TAS1R2: variants seen among roughly 807,000 people sequenced by gnomAD.
TAS1R2 encodes taste 1 receptor member 2, also known as taste receptor type 1 member 2.
Under a neutral mutation model 49.3 loss-of-function variants are expected in TAS1R2, and 47 were observed. The ratio of observed to expected loss-of-function variants is 0.95; its 90% CI spans 0.75 to 1.22. TAS1R2 has a LOEUF of 1.22. Among genes scored for constraint, TAS1R2 ranks in the 50% most tolerant of loss-of-function variants. The probability of loss-of-function intolerance (pLI) is 0.00; values close to 1 mark genes in which losing one functional copy is unlikely to be tolerated. For missense variants in TAS1R2, 1,155 were observed against 1,122.1 expected, an observed-to-expected ratio of 1.03 and a Z score of -0.42; for synonymous variants, 479 against 467.9, an observed-to-expected ratio of 1.02 and a Z score of -0.31.
chr1:18,851,929 G>A (rs1487730960), intron 3 of TAS1R2, among the ~76,000 whole-genome samples: 8 of 152,238 alleles, frequency 5.3e-5, no homozygotes, highest in East Asian at 1.9e-4. Flanking sequence ...GACAGCAACC[G>A]TGTAGTAACA....
intron 4 of TAS1R2, 131 bp from the exon 5 acceptor site, chr1:18,841,983 A>G: frequency 1.5e-6 from 1 of 660,062 alleles, no homozygotes; most frequent in Non-Finnish European, 2.1e-6. Flanking sequence ...TGGAAACTGT[A>G]GAAAAAAAAA....
At chr1:18,842,490 A>T (rs1221630653) in intron 4 of TAS1R2, among the ~76,000 whole-genome samples, 2 of 152,234 alleles carry the variant, frequency 1.3e-5, no homozygotes, top group Non-Finnish European at 2.9e-5. Context: ...AATAAACTTG[A>T]AAGGACTGAA....
intron 4 of TAS1R2, among the ~76,000 whole-genome samples, chr1:18,846,572 C>T (rs1191832670): frequency 1.3e-5 from 2 of 152,196 alleles, no homozygotes; most frequent in South Asian, 2.1e-4. Flanking sequence ...TGCTTAAAGT[C>T]CTAGTCCCCA....
rs555916045 is a variant in TAS1R2, at chr1:18,842,930, A to G, written c.1468-1078T>C. On this transcript the variant is annotated intron_variant, in intron 4 of 5. Coordinates refer to ENST00000375371, the Ensembl canonical transcript of TAS1R2. ...CATGCTTAAAAATAAACAAATTGGT[A>G]AATGTTATGTTATATGTCTTTTATC... Among the ~76,000 whole-genome samples the G allele has an allele frequency of 2.0e-5, 3 of 152,336 alleles. No individual in the cohort carries two copies. In the South Asian group the frequency reaches 6.2e-4, roughly 32 times the overall value.
intron 2 of TAS1R2, 59 bp from the exon 3 acceptor site, chr1:18,855,045 C>A: frequency 3.2e-6 from 5 of 1,556,984 alleles, no homozygotes; most frequent in East Asian, 4.5e-5. Context: ...TGCCCCCACC[C>A]CAGGGCTCTA....
At chr1:18,843,495 G>C (rs1439204400) in intron 4 of TAS1R2, among the ~76,000 whole-genome samples, 1 of 152,174 alleles carries the variant, frequency 6.6e-6, no homozygotes, top group Non-Finnish European at 1.5e-5. Context: ...AACATAAATT[G>C]CTCCTGGAAA....
At chr1:18,850,430 C>T (rs894801816) in intron 3 of TAS1R2, among the ~76,000 whole-genome samples, 1 of 152,250 alleles carries the variant, frequency 6.6e-6, no homozygotes, top group African/African-American at 2.4e-5. Context: ...CTGGCCTTCT[C>T]CCTTCCCTGC....
chr1:18,857,462 C>T (rs774061116), exon 2 of TAS1R2: 83 of 1,614,036 alleles, frequency 5.1e-5, no homozygotes, highest in Non-Finnish European at 7.0e-5. Flanking sequence ...AGGTTGTCCT[C>T]GTGTGCCAGG....
chr1:18,856,138 T>A (rs1934134050), intron 2 of TAS1R2, among the ~76,000 whole-genome samples: 1 of 152,192 alleles, frequency 6.6e-6, no homozygotes, highest in Non-Finnish European at 1.5e-5. Context: ...AAGGGCTCCG[T>A]CATTTATCTG....
In TAS1R2 at chr1:18,854,356, A is replaced by T. The variant is rs776177182; in HGVS notation, c.1114T>A (p.Ser372Thr). 6.2e-7 allele frequency: 1 copy of T among 1,613,938 alleles called. No homozygotes were observed. The highest frequency in any genetic ancestry group is 8.5e-7 in the Non-Finnish European group (1 of 1,179,902). ...GAGAGCCTGAGAATGGTGTTGAAGG[A>T]CAAGGTGGCGTTCAGGCAGTTGTCG... The change falls in exon 3 of 6, where the codon TCC becomes ACC. Residue 372 changes from serine to threonine, a missense_variant. Transcript: ENST00000375371. The surrounding 1 kb of genome is among the most constrained non-coding windows in gnomAD (Gnocchi z 4.9).
chr1:18,854,970 A>G lies in TAS1R2; in HGVS notation c.500T>C (p.Ile167Thr). 2 of 1,605,990 alleles carry G rather than the reference A, an allele frequency of 1.2e-6. No homozygotes were observed. The highest frequency in any genetic ancestry group is 1.7e-5 in the Admixed American group (1 of 59,896). The change falls in exon 3 of 6, where the codon ATC becomes ACC. Residue 167 changes from isoleucine to threonine, a missense_variant. Coordinates refer to ENST00000375371, the Ensembl canonical transcript of TAS1R2. This position sits in a 1 kb window ranked among gnomAD's most constrained non-coding sequence, Gnocchi z 4.9. The stretch of plus-strand genomic sequence containing the variant: ...CACCTTGTCTCGCAGCTCATCGCTG[A>G]TGGCGCTGTAGGTGATCTGCAAGGG...
At chr1:18,843,871 T>C (rs1168186610) in intron 4 of TAS1R2, among the ~76,000 whole-genome samples, 2 of 152,226 alleles carry the variant, frequency 1.3e-5, no homozygotes, top group Non-Finnish European at 2.9e-5. Context: ...CAAGTCTTCA[T>C]ATAAGGGAAA....
At chr1:18,857,479 A>G (rs1557600752) in exon 2 of TAS1R2, 1 of 1,614,194 alleles carries the variant, frequency 6.2e-7, no homozygotes, top group Non-Finnish European at 8.5e-7. Context: ...CAGGAAGTAG[A>G]GCACCGGCTG....
At position 18,854,144 on chromosome 1, in the gene TAS1R2, C is replaced by CATT. The variant is rs1041729454; in HGVS notation, c.1257+66_1257+68dup. 46 of 1,474,998 alleles carry CATT rather than the reference C, an allele frequency of 3.1e-5. No individual in the cohort carries two copies. In the African/African-American group the frequency reaches 5.4e-4, roughly 17 times the overall value. The allele number at this position is 1,474,998 out of a possible 1,614,324, so 91.4% of individuals were successfully genotyped here. A position where few individuals can be genotyped will look rare whatever the true frequency, so the allele number is the denominator to read the frequency against. On this transcript the variant is annotated intron_variant, in intron 3 of 5. Coordinates refer to ENST00000375371, the Ensembl canonical transcript of TAS1R2. The surrounding 1 kb of genome is among the most constrained non-coding windows in gnomAD (Gnocchi z 4.9). Reference sequence around the variant, plus strand: ...TGGGATACTCATGCCCTTTCACACCCATTTGCCCAGAACCCCAGGGGAGGA... The same window carrying CATT: ...TGGGATACTCATGCCCTTTCACACCCATTATTTGCCCAGAACCCCAGGGGAGGA...
chr1:18,849,401 G>A (rs200704390), exon 4 of TAS1R2: 4 of 1,614,070 alleles, frequency 2.5e-6, no homozygotes, highest in Admixed American at 3.3e-5. Context: ...GCTGCAGGGG[G>A]TAGTAGGAGG....
At chr1:18,859,633 A>T in exon 1 of TAS1R2, 1 of 1,614,230 alleles carries the variant, frequency 6.2e-7, no homozygotes, top group Non-Finnish European at 8.5e-7. Flanking sequence ...AAGAACAGGG[A>T]GGAGATGGTC....
chr1:18,855,018 T>C, intron 2 of TAS1R2, 32 bp from the exon 3 acceptor site: 1 of 1,584,580 alleles, frequency 6.3e-7, no homozygotes, highest in Non-Finnish European at 8.6e-7. Flanking sequence ...CATGAGCGAG[T>C]GCCCCGCTGG....
chr1:18,856,093 G>A (rs1407321287), intron 2 of TAS1R2, among the ~76,000 whole-genome samples: 2 of 152,032 alleles, frequency 1.3e-5, no homozygotes, highest in Non-Finnish European at 1.5e-5. Flanking sequence ...AGCTCCTAAC[G>A]TCACCCAGGA....
At chr1:18,848,873 G>C (rs1173656628) in intron 4 of TAS1R2, among the ~76,000 whole-genome samples, 2 of 152,162 alleles carry the variant, frequency 1.3e-5, no homozygotes, top group Non-Finnish European at 2.9e-5. Context: ...TGAGTTGTAC[G>C]ATTATTTCAT....
Sources: allele counts gnomAD v4.1 joint callset (sites outside exome capture counted in the v4.1 genomes callset), GRCh38; gene constraint gnomAD v4.1.1; non-coding constraint Gnocchi (gnomAD v3.1); transcripts MANE v1.5; gene names NCBI Gene and HGNC (gene_info 2026-07-23, HGNC 2026-07-21).